The following KCNG3 variants were observed in gnomAD, a reference collection of about 807,000 sequenced individuals.
The protein encoded by KCNG3 is potassium voltage-gated channel modifier subfamily G member 3, also known as voltage-gated potassium channel regulatory subunit KCNG3.
In KCNG3, 15 loss-of-function variants were observed where a neutral mutation model predicts 29.0. The observed-to-expected ratio is 0.52, with a 90% CI of 0.35 to 0.80. KCNG3 has a LOEUF of 0.80. Ranked by LOEUF, KCNG3 falls within the 30% of genes least tolerant of loss-of-function variation. The pLI, the probability that KCNG3 is intolerant of heterozygous loss-of-function variation, is 0.01. For missense variants in KCNG3, 512 were observed against 605.7 expected (o/e 0.85, Z 1.62); for synonymous variants, 322 against 248.9 (o/e 1.29, Z -2.76).
At chr2:42,414,553 C>CTT in the KCNG3 span, among the ~76,000 whole-genome samples, 3 of 141,728 alleles carry the variant, frequency 2.1e-5, no homozygotes, top group Non-Finnish European at 3.1e-5. Flanking sequence ...ACTTTCTTTT[C>CTT]TTTTTTTTTT....
intron 1 of KCNG3, among the ~76,000 whole-genome samples, chr2:42,477,802 C>G (rs1348725518): frequency 6.6e-6 from 1 of 151,772 alleles, no homozygotes; most frequent in Non-Finnish European, 1.5e-5. Context: ...TCGTTTGAAC[C>G]CAGGAGACAG....
At chr2:42,390,237 T>A in the KCNG3 span, among the ~76,000 whole-genome samples, 10 of 152,288 alleles carry the variant, frequency 6.6e-5, no homozygotes, top group East Asian at 1.9e-3. Context: ...CTTTTGCTCA[T>A]CTCCTGTAAT....
At chr2:42,461,733 C>T (rs1673022359) in intron 1 of KCNG3, among the ~76,000 whole-genome samples, 1 of 152,142 alleles carries the variant, frequency 6.6e-6, no homozygotes, top group African/African-American at 2.4e-5. Flanking sequence ...ATAATCTGTT[C>T]CTATTCCATA....
At chr2:42,482,580 G>A (rs114343066) in intron 1 of KCNG3, among the ~76,000 whole-genome samples, 4,254 of 151,002 alleles carry the variant, frequency 0.028, 91 homozygotes, top group South Asian at 0.079. Flanking sequence ...AAAATTAGCC[G>A]GGCCTGGGCA....
the KCNG3 span, among the ~76,000 whole-genome samples, chr2:42,434,426 T>G: frequency 1.6e-3 from 178 of 110,094 alleles, 1 homozygote; most frequent in African/African-American, 5.9e-3. Flanking sequence ...AGCACTGCAC[T>G]CCAGCCTGGG....
intron 1 of KCNG3, among the ~76,000 whole-genome samples, chr2:42,467,202 T>C (rs1673162632): frequency 6.6e-6 from 1 of 151,440 alleles, no homozygotes; most frequent in Admixed American, 6.6e-5. Flanking sequence ...TGAACGGTCC[T>C]ACAATCATGA....
downstream of KCNG3, among the ~76,000 whole-genome samples, chr2:42,437,811 G>T (rs533557206): frequency 2.0e-5 from 3 of 151,790 alleles, no homozygotes; most frequent in African/African-American, 7.3e-5. Context: ...GTTGGTGGGC[G>T]CCTGTAATCC....
chr2:42,461,470 T>C (rs1673015890), intron 1 of KCNG3, among the ~76,000 whole-genome samples: 1 of 151,976 alleles, frequency 6.6e-6, no homozygotes. Flanking sequence ...TTCAGAAGAC[T>C]ACCATGCTGT....
At chr2:42,471,989 A>G (rs565613221) in intron 1 of KCNG3, among the ~76,000 whole-genome samples, 20 of 152,194 alleles carry the variant, frequency 1.3e-4, no homozygotes, top group Non-Finnish European at 2.6e-4. Context: ...AGAAATGGCA[A>G]GGATATTGAA....
intron 1 of KCNG3, among the ~76,000 whole-genome samples, chr2:42,483,967 G>C (rs933967026): frequency 4.6e-5 from 7 of 152,170 alleles, no homozygotes; most frequent in South Asian, 2.1e-4. Context: ...AAATTTTGTA[G>C]AGACGGGATT....
At chr2:42,416,746 A>G in the KCNG3 span, among the ~76,000 whole-genome samples, 1 of 151,632 alleles carries the variant, frequency 6.6e-6, no homozygotes, top group African/African-American at 2.4e-5. Context: ...TGAACCCAGT[A>G]GGCAGACGTT....
chr2:42,487,727 G>A (rs1016874089), intron 1 of KCNG3, among the ~76,000 whole-genome samples: 1 of 152,182 alleles, frequency 6.6e-6, no homozygotes, highest in South Asian at 2.1e-4. Flanking sequence ...AATTACAAGT[G>A]CATATCTCCT....
chr2:42,493,801 C>T lies in KCNG3; in HGVS notation c.-300G>A, dbSNP rs1205600637. ...CGGCTGTGTCCGCGCCGCCGACCCT[C>T]GCGCCCGAGGGCTGCGCACACCGAG... On this transcript the variant is annotated 5_prime_UTR_variant, in exon 1 of 2. Transcript: ENST00000306078. 1 of 259,798 alleles carries T rather than the reference C, an allele frequency of 3.8e-6. No individual in the cohort carries two copies. The highest frequency in any genetic ancestry group is 7.3e-6 in the Non-Finnish European group (1 of 137,410). The allele number at this position is 259,798 out of a possible 1,614,324, so 16.1% of individuals were successfully genotyped here.
At chr2:42,471,183 T>TGTGTGTGC (rs1673279626) in intron 1 of KCNG3, among the ~76,000 whole-genome samples, 2 of 150,492 alleles carry the variant, frequency 1.3e-5, no homozygotes, top group South Asian at 4.2e-4. Flanking sequence ...TGTGTGTGTG[T>TGTGTGTGC]GTATATATAT....
chr2:42,401,801 T>A, the KCNG3 span, among the ~76,000 whole-genome samples: 4 of 152,130 alleles, frequency 2.6e-5, no homozygotes, highest in African/African-American at 9.7e-5. Flanking sequence ...GGACGACTGC[T>A]TGAACCCAGA....
chr2:42,409,171 T>C, the KCNG3 span, among the ~76,000 whole-genome samples: 2 of 152,012 alleles, frequency 1.3e-5, no homozygotes, highest in South Asian at 4.1e-4. Context: ...AAGAACCAAA[T>C]GCAGCCTGCC....
chr2:42,469,778 T>G (rs1352184343), intron 1 of KCNG3: 1 of 172,236 alleles, frequency 5.8e-6, no homozygotes, highest in African/African-American at 2.4e-5. Context: ...TCTGTTAAAA[T>G]GTACAGCTTC....
At chr2:42,390,612 T>C in the KCNG3 span, among the ~76,000 whole-genome samples, 43 of 152,318 alleles carry the variant, frequency 2.8e-4, no homozygotes, top group African/African-American at 1.0e-3. Context: ...GGCTGCTGTG[T>C]TGTTTATCAG....
At chr2:42,492,003 TA>T (rs1238024093) in intron 1 of KCNG3, among the ~76,000 whole-genome samples, 3 of 152,176 alleles carry the variant, frequency 2.0e-5, no homozygotes, top group Non-Finnish European at 2.9e-5. Flanking sequence ...TCACTTGTAC[TA>T]AAAACAGGAA....
Sources: allele counts gnomAD v4.1 joint callset (sites outside exome capture counted in the v4.1 genomes callset), GRCh38; gene constraint gnomAD v4.1.1; transcripts MANE v1.5; gene names NCBI Gene and HGNC (gene_info 2026-07-23, HGNC 2026-07-21).